RNF11: variants seen among roughly 807,000 people sequenced by gnomAD.
RNF11 encodes ring finger protein 11.
Under a neutral mutation model 15.8 loss-of-function variants are expected in RNF11, and 4 were observed. The ratio of observed to expected loss-of-function variants is 0.25; its 90% CI spans 0.12 to 0.58. RNF11 has a LOEUF of 0.58. RNF11 is among the 20% of genes least tolerant of loss of function. The pLI is 0.91. For synonymous variants in RNF11, 68 were observed against 72.3 expected, an observed-to-expected ratio of 0.94 and a Z score of 0.30; for missense variants, 139 against 194.4, an observed-to-expected ratio of 0.71 and a Z score of 1.70.
intron 1 of RNF11, among the ~76,000 whole-genome samples, chr1:51,238,806 T>C (rs1038063950): frequency 1.3e-5 from 2 of 152,148 alleles, no homozygotes; most frequent in African/African-American, 4.8e-5. Context: ...CACTGCTTAC[T>C]GCAACCTCCA....
At chr1:51,253,538 A>G (rs1049521974) in intron 1 of RNF11, among the ~76,000 whole-genome samples, 1 of 151,212 alleles carries the variant, frequency 6.6e-6, no homozygotes, top group Admixed American at 6.6e-5. Context: ...AAAAAAAAAA[A>G]AGGAGGTGGG....
At chr1:51,250,872 C>G in intron 1 of RNF11, 1 of 1,066,316 alleles carries the variant, frequency 9.4e-7, no homozygotes, top group South Asian at 1.3e-5. Context: ...GGAGACAATG[C>G]CAGTGCCCCT....
rs368429270 is a variant in RNF11, at chr1:51,237,617, CAA to C, written c.123+740_123+741del. Among the ~76,000 whole-genome samples, 568 of 152,092 alleles carry C rather than the reference CAA, an allele frequency of 3.7e-3. 5 individuals are homozygous for C. The highest frequency in any genetic ancestry group is 0.013 in the African/African-American group (548 of 41,460). On this transcript the variant is annotated intron_variant, in intron 1 of 2. Transcript: ENST00000242719. The stretch of plus-strand genomic sequence containing the variant: ...GGTTACTCGTGTTCTCCCTTTGTAT[CAA>C]AGACTCTCCTAAATACGTTGTACTG...
chr1:51,269,899 A>C (rs1320751439), intron 1 of RNF11, 57 bp from the exon 2 acceptor site: 2 of 1,473,954 alleles, frequency 1.4e-6, no homozygotes, highest in African/African-American at 1.4e-5. Flanking sequence ...ACCAAAAAAT[A>C]AGCCCTCGAA....
At chr1:51,270,239 C>T (rs564880892) in intron 2 of RNF11, 114 bp downstream of exon 2, 11 of 710,720 alleles carry the variant, frequency 1.5e-5, no homozygotes, top group South Asian at 2.0e-5. Context: ...TGAAACACTT[C>T]GCTTAATGCA....
At position 51,269,959 on chromosome 1, in the gene RNF11, C is replaced by T; in HGVS notation, c.127C>T (p.Gln43Ter). The T allele has an allele frequency of 6.2e-7, 1 of 1,608,994 alleles. No homozygotes were observed. The highest frequency in any genetic ancestry group is 8.5e-7 in the Non-Finnish European group (1 of 1,178,158). The part of the protein sequence containing the change: ...DQEPPPPYQE[Q>*]VPVPVYHPTP... ...CCTCTATATTTTAATATTTTAGGAA[C>T]AAGTTCCAGTTCCAGTCTACCACCC... Residue 43 changes from glutamine (Q) to a stop codon, truncating the protein, a stop_gained, in exon 2 of 3, where the codon CAA becomes TAA. Transcript: ENST00000242719. LOFTEE classifies it high-confidence loss of function.
rs1170070564 is a variant in RNF11, at chr1:51,236,822, C to A, written c.66C>A (p.Asp22Glu). ...CCCTGCTTCACGAGTCTCAGTCCGACCGGGCTAGCTTTGGCGAGGGGACGG... is the reference window on the plus strand; with the variant it reads ...CCCTGCTTCACGAGTCTCAGTCCGAACGGGCTAGCTTTGGCGAGGGGACGG... ...DISLLHESQSDRASFGEGTEP... is the reference protein window; with the variant it reads ...DISLLHESQSERASFGEGTEP... The change falls in exon 1 of 3, where the codon GAC (aspartate) becomes GAA (glutamate). Residue 22 changes from aspartate (D) to glutamate (E), a missense_variant. Transcript: ENST00000242719. The A allele has an allele frequency of 2.5e-6, 4 of 1,613,410 alleles. No individual in the cohort carries two copies. The South Asian group carries it at 4.4e-5, about 18-fold the overall frequency.
chr1:51,247,304 C>T (rs1171423258), intron 1 of RNF11, among the ~76,000 whole-genome samples: 1 of 152,108 alleles, frequency 6.6e-6, no homozygotes, highest in Non-Finnish European at 1.5e-5. Context: ...CAGCCGCAAA[C>T]TCTTGAGCTC....
chr1:51,259,730 T>C (rs1285078736), intron 1 of RNF11, among the ~76,000 whole-genome samples: 1 of 152,214 alleles, frequency 6.6e-6, no homozygotes, highest in East Asian at 1.9e-4. Flanking sequence ...TTCCTGTTCT[T>C]TTCTAAAGCA....
intron 1 of RNF11, among the ~76,000 whole-genome samples, chr1:51,250,319 A>G (rs971508645): frequency 6.6e-6 from 1 of 152,190 alleles, no homozygotes; most frequent in African/African-American, 2.4e-5. Flanking sequence ...ATGTATTTTC[A>G]TAGCAGTTTT....
intron 1 of RNF11, among the ~76,000 whole-genome samples, chr1:51,254,707 C>T (rs1026816623): frequency 6.6e-6 from 1 of 152,172 alleles, no homozygotes; most frequent in Admixed American, 6.5e-5. Flanking sequence ...AAGTGATCTG[C>T]CCACCTCGTC....
At chr1:51,256,746 TCAC>T (rs574136417) in intron 1 of RNF11, among the ~76,000 whole-genome samples, 279 of 152,312 alleles carry the variant, frequency 1.8e-3, no homozygotes, top group Middle Eastern at 0.01. Context: ...TGATCTCAGC[TCAC>T]CACAACCTCC....
At chr1:51,245,846 T>C (rs569816158) in intron 1 of RNF11, among the ~76,000 whole-genome samples, 1 of 152,298 alleles carries the variant, frequency 6.6e-6, no homozygotes, top group South Asian at 2.1e-4. Flanking sequence ...AAAAGACATA[T>C]TTGCAAACGA....
intron 2 of RNF11, among the ~76,000 whole-genome samples, chr1:51,270,595 C>T (rs910821528): frequency 6.6e-6 from 1 of 152,282 alleles, no homozygotes; most frequent in Middle Eastern, 3.4e-3. Flanking sequence ...ATGAAGAGAG[C>T]TTTAACTTAC....
intron 1 of RNF11, among the ~76,000 whole-genome samples, chr1:51,241,588 T>TG (rs776821065): frequency 1.2e-4 from 19 of 152,188 alleles, no homozygotes; most frequent in Non-Finnish European, 1.5e-4. Flanking sequence ...GGAAAGTACT[T>TG]GGGGGAGAAA....
At chr1:51,257,780 T>C (rs1646911209) in intron 1 of RNF11, among the ~76,000 whole-genome samples, 1 of 151,096 alleles carries the variant, frequency 6.6e-6, no homozygotes, top group African/African-American at 2.4e-5. Flanking sequence ...TAATAGCCAT[T>C]CTGACTGATG....
intron 1 of RNF11, among the ~76,000 whole-genome samples, chr1:51,267,001 A>T (rs1646957670): frequency 6.6e-6 from 1 of 152,114 alleles, no homozygotes; most frequent in Non-Finnish European, 1.5e-5. Context: ...TAATCTCAGC[A>T]CTTTGGGAGG....
rs1313459994 is a variant in RNF11 at position 51,271,261 on chromosome 1, C to T, written c.404C>T (p.Thr135Met). ...CIDDWLMRSFTCPSCMEPVDA... is the reference protein window; with the variant it reads ...CIDDWLMRSFMCPSCMEPVDA... Reference sequence around the variant, plus strand: ...GATGACTGGTTGATGAGATCCTTCACGTGCCCCTCCTGCATGGAGCCAGTT... The same window carrying T: ...GATGACTGGTTGATGAGATCCTTCATGTGCCCCTCCTGCATGGAGCCAGTT... Residue 135 changes from threonine to methionine, a missense_variant, in exon 3 of 3, where the codon ACG becomes ATG. By Grantham distance (81) the Thr-to-Met change is moderately conservative (BLOSUM62 -1). Transcript: ENST00000242719. The T allele has an allele frequency of 1.2e-6, 2 of 1,613,982 alleles. No individual in the cohort carries two copies. Among genetic ancestry groups the T allele is most frequent in the African/African-American group, 1.3e-5 (1 of 74,924 alleles).
Position 51,236,579 on chromosome 1 carries a change from A to T in RNF11, c.-178A>T. 1 of 461,432 alleles carries T rather than the reference A, an allele frequency of 2.2e-6. No individual in the cohort carries two copies. The highest frequency in any genetic ancestry group is 1.2e-4 in the East Asian group (1 of 8,462). The allele number at this position is 461,432 out of a possible 1,614,324, so 28.6% of individuals were successfully genotyped here. On this transcript the variant is annotated 5_prime_UTR_variant, in exon 1 of 3. Coordinates refer to ENST00000242719, the MANE Select transcript of RNF11 (RefSeq NM_014372.5). The stretch of plus-strand genomic sequence containing the variant: ...CCCGCGGCCCAGCCTTGATCCCCCA[A>T]CCCCGGGGGCTGGCATGAGCGGCCC...
Sources: gnomAD v4.1 joint callset for allele counts (sites outside exome capture counted in the v4.1 genomes callset) on GRCh38, gnomAD v4.1.1 for gene constraint, MANE v1.5 for transcripts, NCBI Gene and HGNC (gene_info 2026-07-23, HGNC 2026-07-21) for gene names.